The following AR variants were observed in gnomAD, a reference collection of about 807,000 sequenced individuals.
AR encodes the protein androgen receptor.
AR carries 8 observed loss-of-function variants against 53.9 expected under a neutral mutation model. That is an observed-to-expected ratio of 0.15 (90% CI 0.09 to 0.27). AR has a LOEUF of 0.27. Among genes scored for constraint, AR ranks in the 10% least tolerant of loss-of-function variants. The pLI, the probability that AR is intolerant of heterozygous loss-of-function variation, is 1.00. For missense variants in AR, 639 were observed against 742.5 expected, an observed-to-expected ratio of 0.86 and a Z score of 1.62; for synonymous variants, 359 against 316.4, an observed-to-expected ratio of 1.13 and a Z score of -1.43.
rs766547753 is a variant in AR at position 67,672,790 on chromosome X, C to T, written c.1769-13220C>T. Among the ~76,000 whole-genome samples the T allele has an allele frequency of 6.3e-5, 7 of 111,435 alleles. 1 individual carries two copies. The highest frequency in any genetic ancestry group is 1.9e-4 in the African/African-American group (6 of 30,788). Reference sequence around the variant, plus strand: ...ACTCAAGATATGAGTAGTTCACACACCACAATTACAGTGTTACAATATTCT... The same window carrying T: ...ACTCAAGATATGAGTAGTTCACACATCACAATTACAGTGTTACAATATTCT... On this transcript the variant is annotated intron_variant, in intron 2 of 7. Coordinates refer to ENST00000374690, the MANE Select transcript of AR (RefSeq NM_000044.6).
At chrX:67,648,524 G>A (rs776642091) in intron 2 of AR, among the ~76,000 whole-genome samples, 48 of 111,201 alleles carry the variant, frequency 4.3e-4, no homozygotes, top group Non-Finnish European at 6.2e-4. Context: ...TTCTGTCTTC[G>A]CACACTCACC....
chrX:67,646,470 G>A (rs949052906), intron 2 of AR, among the ~76,000 whole-genome samples: 1 of 111,105 alleles, frequency 9.0e-6, no homozygotes, highest in African/African-American at 3.3e-5. Flanking sequence ...GGGAGAGAAA[G>A]TTGGTCAAAG....
At chrX:67,595,891 G>A (rs1451974009) in intron 1 of AR, among the ~76,000 whole-genome samples, 1 of 111,410 alleles carries the variant, frequency 9.0e-6, no homozygotes, top group East Asian at 2.8e-4. Context: ...AATGAGGGTC[G>A]CTGATATAGT....
chrX:67,639,373 AT>A (rs1925624801), intron 1 of AR, among the ~76,000 whole-genome samples: 1 of 111,610 alleles, frequency 9.0e-6, no homozygotes, highest in South Asian at 3.7e-4. Flanking sequence ...TGGCAGCTTG[AT>A]GGGGTTAGTA....
At chrX:67,652,997 G>C (rs768620579) in intron 2 of AR, among the ~76,000 whole-genome samples, 109 of 111,539 alleles carry the variant, frequency 9.8e-4, no homozygotes, top group Non-Finnish European at 2.0e-3. Context: ...CTTGTCTTTG[G>C]TAAGGATTTT....
At chrX:67,635,513 C>T (rs1480596544) in intron 1 of AR, among the ~76,000 whole-genome samples, 1 of 110,623 alleles carries the variant, frequency 9.0e-6, no homozygotes, top group African/African-American at 3.3e-5. Context: ...TCCCCAAGTC[C>T]TCCTTTGAAA....
chrX:67,627,792 C>A (rs772952155), intron 1 of AR, among the ~76,000 whole-genome samples: 2 of 111,643 alleles, frequency 1.8e-5, no homozygotes, highest in South Asian at 3.8e-4. Context: ...AGTCTTTAAT[C>A]CATCTCGAAT....
chrX:67,619,315 TTC>T (rs757078389), intron 1 of AR, among the ~76,000 whole-genome samples: 3,629 of 107,779 alleles, frequency 0.034, 70 homozygotes, highest in Non-Finnish European at 0.053. Context: ...GAGGCAAAGA[TTC>T]TCTCTCTCTC....
At chrX:67,715,529 A>G (rs1477231694) in intron 4 of AR, among the ~76,000 whole-genome samples, 1 of 111,594 alleles carries the variant, frequency 9.0e-6, no homozygotes, top group Non-Finnish European at 1.9e-5. Context: ...TGGATAATGT[A>G]GACTTCAGAC....
chrX:67,678,747 A>G (rs2075915377), intron 2 of AR, among the ~76,000 whole-genome samples: 1 of 111,010 alleles, frequency 9.0e-6, no homozygotes, highest in Non-Finnish European at 1.9e-5. Flanking sequence ...ATTACACCAC[A>G]TTTTCTTTAT....
intron 2 of AR, among the ~76,000 whole-genome samples, chrX:67,657,925 A>C (rs1926666166): frequency 9.0e-6 from 1 of 111,547 alleles, no homozygotes; most frequent in Admixed American, 9.6e-5. Flanking sequence ...GGGTCAAAAC[A>C]GGGGTTTGGG....
In AR at chrX:67,575,599, A is replaced by G. The variant is rs1485093644; in HGVS notation, c.1616+28837A>G. Among the ~76,000 whole-genome samples the G allele has an allele frequency of 4.5e-5, 5 of 112,224 alleles. No homozygotes were observed. The East Asian group carries it at 8.5e-4, about 19-fold the overall frequency. The stretch of plus-strand genomic sequence containing the variant: ...TTAAAGGAAGGCAGTGCAGACTTTC[A>G]GAAACTAGACTTTAAGAGCTGTACT... On this transcript the variant is annotated intron_variant, in intron 1 of 7. Transcript: ENST00000374690.
At chrX:67,707,578 C>T (rs1472247622) in intron 3 of AR, among the ~76,000 whole-genome samples, 1 of 111,573 alleles carries the variant, frequency 9.0e-6, no homozygotes, top group Non-Finnish European at 1.9e-5. Context: ...ACTGATGGGT[C>T]TTGACTCTTT....
rs1418501769 is a variant in AR at position 67,725,982 on chromosome X, G to C, written c.*2141G>C. On this transcript the variant is annotated 3_prime_UTR_variant, in exon 8 of 8. Transcript: ENST00000374690. The stretch of plus-strand genomic sequence containing the variant: ...TACTTAGCTCTTAATCTCATCTGTT[G>C]AACTCAAGAAATCAAGGGCCAGTCA... 1.7e-5 allele frequency: 3 copies of C among 174,209 alleles called. No homozygotes were observed. 14.4% of individuals were successfully genotyped at this position (174,209 alleles called of 1,213,427 possible). A position where few individuals can be genotyped will look rare whatever the true frequency, so the allele number is the denominator to read the frequency against.
At chrX:67,651,764 G>T (rs1020936848) in intron 2 of AR, among the ~76,000 whole-genome samples, 2 of 111,863 alleles carry the variant, frequency 1.8e-5, no homozygotes, top group Non-Finnish European at 1.9e-5. Flanking sequence ...ACTTAAAACC[G>T]CTGGTAGTTC....
intron 1 of AR, among the ~76,000 whole-genome samples, chrX:67,579,581 A>G (rs773540913): frequency 1.8e-5 from 2 of 111,850 alleles, no homozygotes; most frequent in Non-Finnish European, 3.8e-5. Flanking sequence ...TTGGAATGCT[A>G]CTTCAAAAAG....
At chrX:67,650,427 A>G (rs1325239366) in intron 2 of AR, among the ~76,000 whole-genome samples, 1 of 111,877 alleles carries the variant, frequency 8.9e-6, no homozygotes, top group Admixed American at 9.5e-5. Flanking sequence ...CTGGTAGTTC[A>G]TTTTTGCAGT....
At chrX:67,712,987 CTATAGTT>C (rs2076099517) in intron 4 of AR, among the ~76,000 whole-genome samples, 2 of 110,158 alleles carry the variant, frequency 1.8e-5, no homozygotes, top group South Asian at 7.5e-4. Flanking sequence ...TGTGATTGGC[CTATAGTT>C]ACATAGTCAG....
At chrX:67,668,147 T>C (rs1394732228) in intron 2 of AR, among the ~76,000 whole-genome samples, 3 of 112,217 alleles carry the variant, frequency 2.7e-5, no homozygotes, top group Non-Finnish European at 5.6e-5. Flanking sequence ...GTTTCAGATC[T>C]TATAGCCAAG....
Sources: allele counts gnomAD v4.1 joint callset (sites outside exome capture counted in the v4.1 genomes callset), GRCh38; gene constraint gnomAD v4.1.1; transcripts MANE v1.5; gene names NCBI Gene and HGNC (gene_info 2026-07-23, HGNC 2026-07-21).